ZNF638: variants seen among roughly 807,000 people sequenced by gnomAD.
The protein encoded by ZNF638 is CTCL tumor antigen se33-1.
Under a neutral mutation model 195.6 loss-of-function variants are expected in ZNF638, and 46 were observed. The ratio of observed to expected loss-of-function variants is 0.24; its 90% CI spans 0.19 to 0.30. The LOEUF is 0.30. Among genes scored for constraint, ZNF638 ranks in the 10% least tolerant of loss-of-function variants. ZNF638 has a pLI of 1.00. For synonymous variants in ZNF638, 845 were observed against 772.0 expected (o/e 1.09, Z -1.57); for missense variants, 2,440 against 2,325.3 (o/e 1.05, Z -1.01).
Position 71,426,767 on chromosome 2 carries a change from A to G in ZNF638, c.4898A>G (p.Glu1633Gly), listed in dbSNP as rs1426142836. 1.9e-6 allele frequency: 3 copies of G among 1,613,182 alleles called. No individual in the cohort carries two copies. Among genetic ancestry groups the G allele is most frequent in the Non-Finnish European group, 2.5e-6 (3 of 1,179,706 alleles). ...ATTGATGAAGAAGAACTAAATATGGAAGAAATGGTAAAAAATTCAAATTCA... is the reference window on the plus strand; with the variant it reads ...ATTGATGAAGAAGAACTAAATATGGGAGAAATGGTAAAAAATTCAAATTCA... ...EVIDEEELNM[E>G]EMVKNSNSLF... The change falls in exon 24 of 28, where the codon GAA becomes GGA. Residue 1633 changes from glutamate (E) to glycine (G), a missense_variant. Physicochemically the swap from Glu to Gly is moderately conservative, Grantham distance 98 (BLOSUM62 -2). Around this residue, in one of 5 missense-constraint regions of ZNF638, gnomAD observed 1,883 missense variants for 1,739.1 expected, o/e 1.08. Transcript: ENST00000264447.
At chr2:71,428,428 C>T in intron 24 of ZNF638, 119 bp from the exon 25 acceptor site, 1 of 677,544 alleles carries the variant, frequency 1.5e-6, no homozygotes, top group South Asian at 2.6e-5. Flanking sequence ...GGCTTCCCTC[C>T]CAAATTTGGG....
In ZNF638 at chr2:71,399,632, T is replaced by A. The variant is rs750992932; in HGVS notation, c.2574T>A (p.Pro858=). 1 of 1,611,434 alleles carries A rather than the reference T, an allele frequency of 6.2e-7. No homozygotes were observed. The highest frequency in any genetic ancestry group is 8.5e-7 in the Non-Finnish European group (1 of 1,178,676). The change falls in exon 13 of 28, where the codon CCT becomes CCA. Residue 858 remains proline, a synonymous_variant. Coordinates refer to ENST00000264447, the MANE Select transcript of ZNF638 (RefSeq NM_014497.5). ...TCAAAAACAAAGACTCTAACAAACCTGTGACTATACCAGGTAAGCTTGAAA... is the reference window on the plus strand; with the variant it reads ...TCAAAAACAAAGACTCTAACAAACCAGTGACTATACCAGGTAAGCTTGAAA... ...GNVKNKDSNK[P]VTIPENSEIK...
intron 10 of ZNF638, among the ~76,000 whole-genome samples, chr2:71,393,967 G>T (rs901501866): frequency 1.3e-5 from 2 of 152,168 alleles, no homozygotes; most frequent in African/African-American, 4.8e-5. Context: ...CAAAGGAATT[G>T]CCTTAACATT....
At chr2:71,357,689 T>A (rs1387417140) in intron 3 of ZNF638, among the ~76,000 whole-genome samples, 1 of 152,198 alleles carries the variant, frequency 6.6e-6, no homozygotes, top group African/African-American at 2.4e-5. Flanking sequence ...TTCATACATG[T>A]AGGACCCTGA....
intron 23 of ZNF638, among the ~76,000 whole-genome samples, chr2:71,425,080 T>G (rs1352186016): frequency 7.9e-5 from 12 of 152,238 alleles, no homozygotes; most frequent in Non-Finnish European, 1.8e-4. Flanking sequence ...GTCATCCTCA[T>G]TTTGTTAAAA....
At chr2:71,389,653 T>G (rs1290258007) in intron 10 of ZNF638, among the ~76,000 whole-genome samples, 4 of 152,306 alleles carry the variant, frequency 2.6e-5, no homozygotes, top group Non-Finnish European at 4.4e-5. Flanking sequence ...ACAAGTGTCT[T>G]TGTGTGCTAT....
At chr2:71,390,723 C>T (rs1427333714) in intron 10 of ZNF638, among the ~76,000 whole-genome samples, 1 of 152,090 alleles carries the variant, frequency 6.6e-6, no homozygotes, top group Non-Finnish European at 1.5e-5. Context: ...TTATAGGATA[C>T]AGGGGTGAAT....
At chr2:71,371,689 T>TA (rs1184887642) in intron 8 of ZNF638, among the ~76,000 whole-genome samples, 8 of 112,042 alleles carry the variant, frequency 7.1e-5, no homozygotes, top group African/African-American at 2.5e-4. Context: ...ATTTTTTTTT[T>TA]ATCAGAGTAT....
At chr2:71,355,004 T>TGTCGCCCAGGCTGGA in intron 2 of ZNF638, among the ~76,000 whole-genome samples, 2 of 152,266 alleles carry the variant, frequency 1.3e-5, no homozygotes, top group South Asian at 4.1e-4. Context: ...AGTCTCGCTC[T>TGTCGCCCAGGCTGGA]GTCGCCCAGG....
chr2:71,388,308 A>T (rs1393726224), intron 10 of ZNF638: 3 of 435,308 alleles, frequency 6.9e-6, no homozygotes, highest in Non-Finnish European at 4.3e-6. Flanking sequence ...CCGACCTTTG[A>T]TCATCCGACC....
At chr2:71,351,143 C>A (rs901000481) in intron 2 of ZNF638, among the ~76,000 whole-genome samples, 1 of 152,126 alleles carries the variant, frequency 6.6e-6, no homozygotes, top group Admixed American at 6.5e-5. Flanking sequence ...AATATACTAA[C>A]ATGGGAAAAA....
At chr2:71,342,138 T>C (rs1244967882) in intron 1 of ZNF638, among the ~76,000 whole-genome samples, 2 of 148,076 alleles carry the variant, frequency 1.4e-5, no homozygotes, top group Non-Finnish European at 3.0e-5. Flanking sequence ...GGAGAATCGC[T>C]TGAACCCAGG....
intron 16 of ZNF638, among the ~76,000 whole-genome samples, chr2:71,402,957 A>G (rs2080035923): frequency 1.3e-5 from 2 of 152,142 alleles, no homozygotes; most frequent in Admixed American, 1.3e-4. Context: ...GTAATTTCAC[A>G]TTATGTTAAA....
intron 8 of ZNF638, among the ~76,000 whole-genome samples, chr2:71,379,188 G>T (rs2079489909): frequency 6.6e-6 from 1 of 152,192 alleles, no homozygotes; most frequent in African/African-American, 2.4e-5. Context: ...AGACATTTGA[G>T]ATGTCACAGT....
rs866643710 is a variant in ZNF638, at chr2:71,418,523, T to C, written c.3262-79T>C. The C allele has an allele frequency of 5.7e-5, 60 of 1,045,388 alleles. No homozygotes were observed. In the Middle Eastern group the frequency reaches 9.5e-4, roughly 17 times the overall value. The allele number at this position is 1,045,388 out of a possible 1,614,324, so 64.8% of individuals were successfully genotyped here. A position where few individuals can be genotyped will look rare whatever the true frequency, so the allele number is the denominator to read the frequency against. On this transcript the variant is annotated intron_variant, in intron 20 of 27. Transcript: ENST00000264447. ...GTTTTTTTTTTTGAGCTTAAATTTT[T>C]ACTAAAAACATTGCTTTTATAGTTA...
In ZNF638 at chr2:71,359,247, A is replaced by C. The variant is rs141419019; in HGVS notation, c.1379+3467A>C. 1.2e-3 allele frequency among the ~76,000 whole-genome samples: 187 copies of C among 152,300 alleles called. 1 individual carries two copies. The highest frequency in any genetic ancestry group is 4.4e-3 in the African/African-American group (181 of 41,558). On this transcript the variant is annotated intron_variant, in intron 3 of 27. Coordinates refer to ENST00000264447, the MANE Select transcript of ZNF638 (RefSeq NM_014497.5). Reference sequence around the variant, plus strand: ...CTCTGGGTTTCTGGTAGTGTGGCTCAGTCCAAATTCAAAAGCTTCCAAACC... The same window carrying C: ...CTCTGGGTTTCTGGTAGTGTGGCTCCGTCCAAATTCAAAAGCTTCCAAACC...
At chr2:71,352,747 T>G (rs928184289) in intron 2 of ZNF638, among the ~76,000 whole-genome samples, 1 of 152,168 alleles carries the variant, frequency 6.6e-6, no homozygotes, top group Non-Finnish European at 1.5e-5. Context: ...GAGATCTGAC[T>G]GAAGTATGCA....
intron 2 of ZNF638, among the ~76,000 whole-genome samples, chr2:71,354,763 AG>A (rs1558837330): frequency 1.3e-5 from 2 of 151,898 alleles, no homozygotes; most frequent in African/African-American, 4.8e-5. Context: ...AAAAAAAAAA[AG>A]AAGCATTTCG....
intron 24 of ZNF638, among the ~76,000 whole-genome samples, chr2:71,427,667 G>A (rs1291763422): frequency 1.3e-5 from 2 of 152,146 alleles, no homozygotes; most frequent in African/African-American, 4.8e-5. Context: ...ACAAACTGAA[G>A]TAGCCAAATT....
Sources: allele counts gnomAD v4.1 joint callset (sites outside exome capture counted in the v4.1 genomes callset), GRCh38; gene constraint gnomAD v4.1.1; regional missense constraint gnomAD v4.1.1; transcripts MANE v1.5; gene names NCBI Gene and HGNC (gene_info 2026-07-23, HGNC 2026-07-21).